The following ACTL10 variants were observed in gnomAD, a reference collection of about 807,000 sequenced individuals.
The protein encoded by ACTL10 is actin-like protein 10.
For missense variants in ACTL10, 413 were observed against 359.4 expected (o/e 1.15, Z -1.21); for synonymous variants, 180 against 169.9 (o/e 1.06, Z -0.46).
In ACTL10 at chr20:33,667,417, G is replaced by C. The variant is rs1014382432; in HGVS notation, c.-81G>C. ...AGAGCAGTGGCCCGTGCTGGTGAGC[G>C]ACTCGCCGTTGGCGCCGCCCGCGGG... On this transcript the variant is annotated 5_prime_UTR_variant, in exon 1 of 1. Transcript: ENST00000677665. The C allele has an allele frequency of 7.1e-7, 1 of 1,407,466 alleles. No individual in the cohort carries two copies. Among genetic ancestry groups the C allele is most frequent in the African/African-American group, 1.5e-5 (1 of 65,976 alleles). 87.2% of individuals were successfully genotyped at this position (1,407,466 alleles called of 1,614,324 possible).
rs1412301510 is a variant in ACTL10 at position 33,667,755 on chromosome 20, C to T, written c.258C>T (p.Tyr86=). 4 of 1,612,470 alleles carry T rather than the reference C, an allele frequency of 2.5e-6. No homozygotes were observed. The highest frequency in any genetic ancestry group is 3.4e-6 in the Non-Finnish European group (4 of 1,179,946). The part of the protein sequence containing the change: ...AITHLKKRSC[Y]VSLDFEGDLR... ...CACATCTCAAGAAGCGCAGCTGCTA[C>T]GTGTCCCTGGACTTCGAGGGCGACC... Residue 86 remains tyrosine, a synonymous_variant, in exon 1 of 1, where the codon TAC becomes TAT. Coordinates refer to ENST00000677665, the MANE Select transcript of ACTL10 (RefSeq NM_001024675.2).
In ACTL10 at chr20:33,667,701, G is replaced by C. The variant is rs766053676; in HGVS notation, c.204G>C (p.Leu68Phe). ...TGGTGGCGGCGAACCCTGACCTCTT[G>C]CAGCAGGCCCTGCCCCGCAAGGCCA... is the stretch of plus-strand genomic sequence containing the variant. ...DLLVAANPDL[L>F]QQALPRKAIT... Residue 68 changes from leucine (L) to phenylalanine (F), a missense_variant, in exon 1 of 1, where the codon TTG becomes TTC. Physicochemically the swap from Leu to Phe is conservative, Grantham distance 22 (BLOSUM62 0). Coordinates refer to ENST00000677665, the MANE Select transcript of ACTL10 (RefSeq NM_001024675.2). The C allele has an allele frequency of 2.5e-6, 4 of 1,612,070 alleles. No homozygotes were observed. Among genetic ancestry groups the C allele is most frequent in the Non-Finnish European group, 3.4e-6 (4 of 1,179,880 alleles).
Position 33,667,490 on chromosome 20 carries a change from C to CGTGCCACATGGCTA in ACTL10, c.-6_8dup. ...CTGTTCGAGACCCTGGCAGTGCCCG[C>CGTGCCACATGGCTA]GTGCCACATGGCTAGCACCGCGTTG... On this transcript the variant is annotated 5_prime_UTR_variant, in exon 1 of 1. In the 5' UTR this introduces an upstream ATG that the reference lacks. Transcript: ENST00000677665. The CGTGCCACATGGCTA allele has an allele frequency of 6.8e-7, 1 of 1,478,966 alleles. No individual in the cohort carries two copies. The highest frequency in any genetic ancestry group is 1.3e-5 in the South Asian group (1 of 75,244). 91.6% of individuals were successfully genotyped at this position (1,478,966 alleles called of 1,614,324 possible). A position where few individuals can be genotyped will look rare whatever the true frequency, so the allele number is the denominator to read the frequency against.
At position 33,667,508 on chromosome 20, in the gene ACTL10, C is replaced by G; in HGVS notation, c.11C>G (p.Thr4Ser). ...GTGCCCGCGTGCCACATGGCTAGCA[C>G]CGCGTTGCTGGCGCTCTGCTCCACC... MAS[T>S]ALLALCSTGA... Residue 4 changes from threonine to serine, a missense_variant, in exon 1 of 1, where the codon ACC becomes AGC. Physicochemically the swap from Thr to Ser is moderately conservative, Grantham distance 58. Coordinates refer to ENST00000677665, the MANE Select transcript of ACTL10 (RefSeq NM_001024675.2). 1 of 1,520,746 alleles carries G rather than the reference C, an allele frequency of 6.6e-7. No homozygotes were observed. Among genetic ancestry groups the G allele is most frequent in the Non-Finnish European group, 8.8e-7 (1 of 1,135,384 alleles). The allele number at this position is 1,520,746 out of a possible 1,614,324, so 94.2% of individuals were successfully genotyped here. A position where few individuals can be genotyped will look rare whatever the true frequency, so the allele number is the denominator to read the frequency against.
rs146868098 is a variant in ACTL10 at position 33,667,646 on chromosome 20, G to C, written c.149G>C (p.Ser50Thr). Residue 50 changes from serine (S) to threonine (T), a missense_variant, in exon 1 of 1, where the codon AGC becomes ACC. By Grantham distance (58) the Ser-to-Thr change is moderately conservative. Transcript: ENST00000677665. The stretch of plus-strand genomic sequence containing the variant: ...ACCTTCCGACTGAACGTGGCAGGCA[G>C]CACCCTGTCGCGCTACCTGCGGGAT... ...QATFRLNVAG[S>T]TLSRYLRDLL... 1 of 1,608,064 alleles carries C rather than the reference G, an allele frequency of 6.2e-7. No individual in the cohort carries two copies. Among genetic ancestry groups the C allele is most frequent in the Non-Finnish European group, 8.5e-7 (1 of 1,178,336 alleles).
Position 33,667,655 on chromosome 20 carries a change from C to A in ACTL10, c.158C>A (p.Ser53Ter). ...CTGAACGTGGCAGGCAGCACCCTGT[C>A]GCGCTACCTGCGGGATCTGCTGGTG... The part of the protein sequence containing the change: ...FRLNVAGSTL[S>*]RYLRDLLVAA... The change falls in exon 1 of 1, where the codon TCG becomes TAG. Residue 53 changes from serine (S) to a stop codon, truncating the protein, a stop_gained. Coordinates refer to ENST00000677665, the MANE Select transcript of ACTL10 (RefSeq NM_001024675.2). LOFTEE classifies it low-confidence loss of function (END_TRUNC). 6.2e-7 allele frequency: 1 copy of A among 1,609,912 alleles called. No homozygotes were observed. Among genetic ancestry groups the A allele is most frequent in the Non-Finnish European group, 8.5e-7 (1 of 1,179,046 alleles).
At position 33,668,316 on chromosome 20, in the gene ACTL10, G is replaced by A. The variant is rs1335037405; in HGVS notation, c.*81G>A. ...GAGTCAAGTGTTTGGAGCTGGCAGG[G>A]TCCTCCTGGAGGTTGGAGCTGACTG... On this transcript the variant is annotated 3_prime_UTR_variant, in exon 1 of 1. Transcript: ENST00000677665. The A allele has an allele frequency of 1.3e-6, 2 of 1,512,228 alleles. No homozygotes were observed. The highest frequency in any genetic ancestry group is 1.4e-5 in the African/African-American group (1 of 71,620). 93.7% of individuals were successfully genotyped at this position (1,512,228 alleles called of 1,614,324 possible). A position where few individuals can be genotyped will look rare whatever the true frequency, so the allele number is the denominator to read the frequency against.
At position 33,667,598 on chromosome 20, in the gene ACTL10, C is replaced by A. The variant is rs770199004; in HGVS notation, c.101C>A (p.Ala34Glu). Residue 34 changes from alanine to glutamate, a missense_variant, in exon 1 of 1, where the codon GCG becomes GAG. By Grantham distance (107) the Ala-to-Glu change is moderately radical. Coordinates refer to ENST00000677665, the MANE Select transcript of ACTL10 (RefSeq NM_001024675.2). ...AGVCHATPIYAGHSWHQATFR... is the reference protein window; with the variant it reads ...AGVCHATPIYEGHSWHQATFR... ...GTGTGCCACGCCACGCCCATCTACG[C>A]GGGTCACTCGTGGCACCAGGCCACC... 17 of 1,581,020 alleles carry A rather than the reference C, an allele frequency of 1.1e-5. No homozygotes were observed. The highest frequency in any genetic ancestry group is 1.5e-5 in the Non-Finnish European group (17 of 1,166,510).
At position 33,667,937 on chromosome 20, in the gene ACTL10, C is replaced by A. The variant is rs781470759; in HGVS notation, c.440C>A (p.Ala147Glu). The A allele has an allele frequency of 3.2e-6, 5 of 1,556,454 alleles. No individual in the cohort carries two copies. Among genetic ancestry groups the A allele is most frequent in the Non-Finnish European group, 4.3e-6 (5 of 1,150,670 alleles). ...GGGCTGCCCGCGCTGGCCTTCCGGG[C>A]GCTGCAGAAGATGCCCAAAACGCTG... Reference protein sequence around the residue: ...EQGLPALAFRALQKMPKTLRT... With the variant: ...EQGLPALAFRELQKMPKTLRT... Residue 147 changes from alanine to glutamate, a missense_variant, in exon 1 of 1, where the codon GCG becomes GAG. Physicochemically the swap from Ala to Glu is moderately radical, Grantham distance 107 (BLOSUM62 -1). Transcript: ENST00000677665.
chr20:33,668,516 G>T lies in ACTL10; in HGVS notation c.*281G>T. 1 of 376,118 alleles carries T rather than the reference G, an allele frequency of 2.7e-6. No homozygotes were observed. Among genetic ancestry groups the T allele is most frequent in the Non-Finnish European group, 4.9e-6 (1 of 202,704 alleles). The allele number at this position is 376,118 out of a possible 1,614,324, so 23.3% of individuals were successfully genotyped here. On this transcript the variant is annotated 3_prime_UTR_variant, in exon 1 of 1. Coordinates refer to ENST00000677665, the MANE Select transcript of ACTL10 (RefSeq NM_001024675.2). ...GCAATAAAGGTGATGCCCCACTTGT[G>T]TCCATGCCACAGATATGGGAGTTCC... is the stretch of plus-strand genomic sequence containing the variant.
chr20:33,667,363 C>T lies in ACTL10; in HGVS notation c.-135C>T. The stretch of plus-strand genomic sequence containing the variant: ...GGCGCTGGAAGGGCTGTGGGAGCGC[C>T]TGCTGGTGGGCGGCCTGCGGGTGTG... On this transcript the variant is annotated 5_prime_UTR_variant, in exon 1 of 1. Coordinates refer to ENST00000677665, the MANE Select transcript of ACTL10 (RefSeq NM_001024675.2). The T allele has an allele frequency of 8.4e-7, 1 of 1,188,188 alleles. No individual in the cohort carries two copies. Among genetic ancestry groups the T allele is most frequent in the Non-Finnish European group, 1.1e-6 (1 of 922,454 alleles). 73.6% of individuals were successfully genotyped at this position (1,188,188 alleles called of 1,614,324 possible). A position where few individuals can be genotyped will look rare whatever the true frequency, so the allele number is the denominator to read the frequency against.
In ACTL10 at chr20:33,668,126, G is replaced by A; in HGVS notation, c.629G>A (p.Trp210Ter). 1 of 1,610,790 alleles carries A rather than the reference G, an allele frequency of 6.2e-7. No individual in the cohort carries two copies. The highest frequency in any genetic ancestry group is 8.5e-7 in the Non-Finnish European group (1 of 1,179,144). ...AAGCATGGGCGTGGCATGGCTGTGT[G>A]GACCGGCGGCTCCATGGTGGCCTCC... The part of the protein sequence containing the change: ...VAKHGRGMAV[W>*]TGGSMVASLH... Residue 210 changes from tryptophan to a stop codon, truncating the protein, a stop_gained, in exon 1 of 1, where the codon TGG (tryptophan) becomes TAG (stop). Coordinates refer to ENST00000677665, the MANE Select transcript of ACTL10 (RefSeq NM_001024675.2). LOFTEE classifies it high-confidence loss of function.
Position 33,667,619 on chromosome 20 carries a change from C to T in ACTL10, c.122C>T (p.Ala41Val). ...PIYAGHSWHQ[A>V]TFRLNVAGST... ...TACGCGGGTCACTCGTGGCACCAGG[C>T]CACCTTCCGACTGAACGTGGCAGGC... Residue 41 changes from alanine to valine, a missense_variant, in exon 1 of 1, where the codon GCC (alanine) becomes GTC (valine). Transcript: ENST00000677665. 1 of 1,597,288 alleles carries T rather than the reference C, an allele frequency of 6.3e-7. No individual in the cohort carries two copies. The highest frequency in any genetic ancestry group is 1.1e-5 in the South Asian group (1 of 89,216).
In ACTL10 at chr20:33,667,292, T is replaced by TGGCGC. The variant is rs1402025748; in HGVS notation, c.-203_-199dup. The stretch of plus-strand genomic sequence containing the variant: ...CCGGGCTGCGAGCTGGCGGGCGGCG[T>TGGCGC]GGCGCGGGCGCACCCCATCAAGCAC... On this transcript the variant is annotated 5_prime_UTR_variant, in exon 1 of 1. Coordinates refer to ENST00000677665, the MANE Select transcript of ACTL10 (RefSeq NM_001024675.2). The TGGCGC allele has an allele frequency of 2.8e-5, 16 of 569,302 alleles. No individual in the cohort carries two copies. The highest frequency in any genetic ancestry group is 4.2e-5 in the Non-Finnish European group (16 of 376,530). The allele number at this position is 569,302 out of a possible 1,614,324, so 35.3% of individuals were successfully genotyped here. A position where few individuals can be genotyped will look rare whatever the true frequency, so the allele number is the denominator to read the frequency against.
Position 33,667,724 on chromosome 20 carries a change from C to T in ACTL10, c.227C>T (p.Ala76Val), listed in dbSNP as rs1479602244. The T allele has an allele frequency of 1.2e-6, 2 of 1,612,208 alleles. No homozygotes were observed. Among genetic ancestry groups the T allele is most frequent in the African/African-American group, 1.3e-5 (1 of 74,938 alleles). The part of the protein sequence containing the change: ...DLLQQALPRK[A>V]ITHLKKRSCY... ...TTGCAGCAGGCCCTGCCCCGCAAGG[C>T]CATCACACATCTCAAGAAGCGCAGC... The change falls in exon 1 of 1, where the codon GCC (alanine) becomes GTC (valine). Residue 76 changes from alanine to valine, a missense_variant. Coordinates refer to ENST00000677665, the MANE Select transcript of ACTL10 (RefSeq NM_001024675.2).
Position 33,668,366 on chromosome 20 carries a change from T to C in ACTL10, c.*131T>C. On this transcript the variant is annotated 3_prime_UTR_variant, in exon 1 of 1. Coordinates refer to ENST00000677665, the MANE Select transcript of ACTL10 (RefSeq NM_001024675.2). ...GGATGGGTCACCCCCATACCCTTTC[T>C]GGGCCAGGAGAAGGTATTTGGGACC... 2.3e-6 allele frequency: 3 copies of C among 1,310,896 alleles called. No individual in the cohort carries two copies. Among genetic ancestry groups the C allele is most frequent in the Non-Finnish European group, 3.1e-6 (3 of 982,842 alleles). 81.2% of individuals were successfully genotyped at this position (1,310,896 alleles called of 1,614,324 possible). A position where few individuals can be genotyped will look rare whatever the true frequency, so the allele number is the denominator to read the frequency against.
In ACTL10 at chr20:33,667,629, A is replaced by C. The variant is rs1339193008; in HGVS notation, c.132A>C (p.Arg44=). Residue 44 remains arginine, a synonymous_variant, in exon 1 of 1, where the codon CGA becomes CGC. Coordinates refer to ENST00000677665, the MANE Select transcript of ACTL10 (RefSeq NM_001024675.2). ...AGHSWHQATF[R]LNVAGSTLSR... ...ACTCGTGGCACCAGGCCACCTTCCG[A>C]CTGAACGTGGCAGGCAGCACCCTGT... 1.2e-6 allele frequency: 2 copies of C among 1,603,484 alleles called. No homozygotes were observed. The highest frequency in any genetic ancestry group is 1.7e-6 in the Non-Finnish European group (2 of 1,176,510).
Position 33,667,439 on chromosome 20 carries a change from C to CG in ACTL10, c.-56dup. 9 of 1,413,368 alleles carry CG rather than the reference C, an allele frequency of 6.4e-6. No homozygotes were observed. Among genetic ancestry groups the CG allele is most frequent in the Non-Finnish European group, 7.3e-6 (8 of 1,090,896 alleles). The allele number at this position is 1,413,368 out of a possible 1,614,324, so 87.6% of individuals were successfully genotyped here. The stretch of plus-strand genomic sequence containing the variant: ...AGCGACTCGCCGTTGGCGCCGCCCG[C>CG]GGGCCGCGAAAGGGTGGCGGAGCTG... On this transcript the variant is annotated 5_prime_UTR_variant, in exon 1 of 1. Transcript: ENST00000677665.
rs146590788 is a variant in ACTL10, at chr20:33,668,128, A to T, written c.631A>T (p.Thr211Ser). ...GCATGGGCGTGGCATGGCTGTGTGG[A>T]CCGGCGGCTCCATGGTGGCCTCCCT... ...AKHGRGMAVW[T>S]GGSMVASLHS... Residue 211 changes from threonine to serine, a missense_variant, in exon 1 of 1, where the codon ACC (threonine) becomes TCC (serine). By Grantham distance (58) the Thr-to-Ser change is moderately conservative. Coordinates refer to ENST00000677665, the MANE Select transcript of ACTL10 (RefSeq NM_001024675.2). 2.1e-4 allele frequency: 339 copies of T among 1,610,840 alleles called. 1 individual carries two copies. The Middle Eastern group carries it at 3.0e-3, about 14-fold the overall frequency.
Sources: gnomAD v4.1 joint callset for allele counts on GRCh38, gnomAD v4.1.1 for gene constraint, MANE v1.5 for transcripts, NCBI Gene and HGNC (gene_info 2026-07-23, HGNC 2026-07-21) for gene names.